MIS18A: variants seen among roughly 807,000 people sequenced by gnomAD.
The protein encoded by MIS18A is MIS18 kinetochore protein A.
Under a neutral mutation model 25.0 loss-of-function variants are expected in MIS18A, and 14 were observed. That is an observed-to-expected ratio of 0.56 (90% CI 0.37 to 0.88). The LOEUF is 0.88. Ranked by LOEUF, MIS18A falls within the 40% of genes least tolerant of loss-of-function variation. The pLI, the probability that MIS18A is intolerant of heterozygous loss-of-function variation, is 0.00. For synonymous variants in MIS18A, 134 were observed against 118.6 expected (o/e 1.13, Z -0.84); for missense variants, 292 against 290.8 (o/e 1.00, Z -0.03).
the MIS18A span, among the ~76,000 whole-genome samples, chr21:32,204,317 T>A: frequency 6.6e-6 from 1 of 151,860 alleles, no homozygotes; most frequent in Non-Finnish European, 1.5e-5. Context: ...GCCAAGATCA[T>A]GAAACCCCAT....
chr21:32,262,412 C>T, the MIS18A span, among the ~76,000 whole-genome samples: 1 of 152,210 alleles, frequency 6.6e-6, no homozygotes, highest in African/African-American at 2.4e-5. Context: ...ATCAAACACA[C>T]GTTTTACTTT....
chr21:32,157,039 TTC>T, the MIS18A span, among the ~76,000 whole-genome samples: 2 of 71,820 alleles, frequency 2.8e-5, no homozygotes, highest in Admixed American at 1.6e-4. Context: ...TTCCTTTCTT[TTC>T]CTTTCTTTCT....
At chr21:32,184,035 T>C in the MIS18A span, among the ~76,000 whole-genome samples, 5 of 152,196 alleles carry the variant, frequency 3.3e-5, no homozygotes. Context: ...CGAGTCAATT[T>C]CTAAACCCCC....
At chr21:32,259,038 T>G in the MIS18A span, among the ~76,000 whole-genome samples, 2 of 150,754 alleles carry the variant, frequency 1.3e-5, no homozygotes, top group African/African-American at 2.4e-5. Context: ...CACTGCTAAC[T>G]TTTTAATTTT....
the MIS18A span, among the ~76,000 whole-genome samples, chr21:32,213,267 C>A: frequency 2.6e-5 from 4 of 151,932 alleles, no homozygotes; most frequent in African/African-American, 9.7e-5. Context: ...CCCAAATGTC[C>A]GTCACTAAAT....
At chr21:32,157,099 A>G in the MIS18A span, among the ~76,000 whole-genome samples, 2 of 136,032 alleles carry the variant, frequency 1.5e-5, no homozygotes, top group African/African-American at 5.5e-5. Context: ...TCTGTCGCCC[A>G]GGCTGGAGTG....
At chr21:32,158,216 A>G in the MIS18A span, among the ~76,000 whole-genome samples, 4,480 of 152,276 alleles carry the variant, frequency 0.029, 223 homozygotes, top group African/African-American at 0.1. Context: ...ATAATTAGTA[A>G]AAGTTACAGG....
At chr21:32,227,975 G>A in the MIS18A span, among the ~76,000 whole-genome samples, 1 of 152,180 alleles carries the variant, frequency 6.6e-6, no homozygotes, top group African/African-American at 2.4e-5. Flanking sequence ...GAAAGCATTT[G>A]ATAAAATCAA....
the MIS18A span, among the ~76,000 whole-genome samples, chr21:32,227,392 C>T: frequency 1.3e-5 from 2 of 150,582 alleles, no homozygotes; most frequent in Non-Finnish European, 3.0e-5. Context: ...ACTGACCTTA[C>T]AGAAAAAAAA....
the MIS18A span, among the ~76,000 whole-genome samples, chr21:32,258,409 G>T: frequency 3.5e-4 from 54 of 152,114 alleles, no homozygotes; most frequent in Non-Finnish European, 6.9e-4. Context: ...GGAGTGAAGG[G>T]ATAAAGTCAG....
the MIS18A span, among the ~76,000 whole-genome samples, chr21:32,164,477 A>G: frequency 2.0e-5 from 3 of 152,168 alleles, no homozygotes; most frequent in Admixed American, 6.5e-5. Context: ...CATATTTAAT[A>G]TAGTGTGTTA....
chr21:32,169,295 G>A, the MIS18A span, among the ~76,000 whole-genome samples: 30 of 151,982 alleles, frequency 2.0e-4, 1 homozygote, highest in Non-Finnish European at 3.1e-4. Flanking sequence ...TCACTATATG[G>A]CCCTTCTAGC....
chr21:32,278,167 C>T (rs2031851153), intron 1 of MIS18A: 1 of 153,762 alleles, frequency 6.5e-6, no homozygotes, highest in South Asian at 2.1e-4. Context: ...CCTTCCTCGC[C>T]AGTTTTCATG....
chr21:32,255,194 T>A, the MIS18A span, among the ~76,000 whole-genome samples: 2 of 152,152 alleles, frequency 1.3e-5, no homozygotes, highest in Non-Finnish European at 2.9e-5. Flanking sequence ...TTCTGTAGAA[T>A]CTTCTAATTT....
the MIS18A span, among the ~76,000 whole-genome samples, chr21:32,193,056 C>A: frequency 6.6e-6 from 1 of 152,200 alleles, no homozygotes; most frequent in Non-Finnish European, 1.5e-5. Flanking sequence ...GGGAAGACAG[C>A]AAAGGTTCCA....
chr21:32,191,305 C>T, the MIS18A span, among the ~76,000 whole-genome samples: 2 of 152,320 alleles, frequency 1.3e-5, no homozygotes, highest in African/African-American at 4.8e-5. Context: ...AAGTTCTGCC[C>T]TTGGCTGGGC....
At chr21:32,241,616 A>T in the MIS18A span, among the ~76,000 whole-genome samples, 1 of 152,186 alleles carries the variant, frequency 6.6e-6, no homozygotes, top group Admixed American at 6.5e-5. Context: ...TGAAGCAGAG[A>T]TGTAAGAAAT....
At chr21:32,252,508 T>G in the MIS18A span, among the ~76,000 whole-genome samples, 1 of 152,214 alleles carries the variant, frequency 6.6e-6, no homozygotes, top group Non-Finnish European at 1.5e-5. Context: ...ATTGGATAAC[T>G]GCAAGGGAGA....
At chr21:32,263,098 T>TA in the MIS18A span, among the ~76,000 whole-genome samples, 2 of 152,234 alleles carry the variant, frequency 1.3e-5, no homozygotes, top group Non-Finnish European at 2.9e-5. Flanking sequence ...AAAAATAAGT[T>TA]ATTCTCCCTT....
Sources: allele counts gnomAD v4.1 joint callset (sites outside exome capture counted in the v4.1 genomes callset), GRCh38; gene constraint gnomAD v4.1.1; transcripts MANE v1.5; gene names NCBI Gene and HGNC (gene_info 2026-07-23, HGNC 2026-07-21).